Variants in CORO7 observed in about 807,000 individuals in gnomAD.
CORO7 encodes the protein coronin-7.
CORO7 carries 107 observed loss-of-function variants against 126.6 expected under a neutral mutation model. The ratio of observed to expected loss-of-function variants is 0.85; its 90% confidence interval spans 0.72 to 0.99. The LOEUF (loss-of-function observed/expected upper bound fraction) is 0.99. Among genes scored for constraint, CORO7 ranks in the 50% least tolerant of loss-of-function variants. CORO7 has a pLI of 0.00. For missense variants in CORO7, 1,314 were observed against 1,255.8 expected, an observed-to-expected ratio of 1.05 and a Z score of -0.70; for synonymous variants, 603 against 536.8, an observed-to-expected ratio of 1.12 and a Z score of -1.70.
At chr16:4,364,169 G>A in intron 14 of CORO7, 107 bp downstream of exon 14, 1 of 1,363,128 alleles carries the variant, frequency 7.3e-7, no homozygotes, top group Non-Finnish European at 9.5e-7. Flanking sequence ...TTGGGTGACA[G>A]AGTGAGACAC....
At chr16:4,410,617 CAT>C (rs552040555) in intron 3 of CORO7, among the ~76,000 whole-genome samples, 3 of 152,246 alleles carry the variant, frequency 2.0e-5, no homozygotes, top group Admixed American at 6.5e-5. Flanking sequence ...CTGCCACACA[CAT>C]GTATCTCTAA....
intron 9 of CORO7, among the ~76,000 whole-genome samples, chr16:4,375,250 G>A (rs938533260): frequency 3.3e-5 from 5 of 152,108 alleles, no homozygotes; most frequent in South Asian, 2.1e-4. Flanking sequence ...ACCTGGGGCC[G>A]GGCCAGCCTC....
chr16:4,387,876 A>C, intron 9 of CORO7, 110 bp downstream of exon 9: 1 of 1,399,816 alleles, frequency 7.1e-7, no homozygotes, highest in Non-Finnish European at 9.9e-7. Flanking sequence ...CAGGTACCCC[A>C]GAACACCCCG....
intron 6 of CORO7, among the ~76,000 whole-genome samples, chr16:4,403,282 C>G (rs979119921): frequency 2.6e-5 from 4 of 152,178 alleles, no homozygotes; most frequent in African/African-American, 9.7e-5. Context: ...ACTCCCGGCT[C>G]CATACTGCCA....
rs1249701732 is a variant in CORO7, at chr16:4,360,478, A to T, written c.1988T>A (p.Val663Asp). The change falls in exon 20 of 28, where the codon GTC (valine) becomes GAC (aspartate). Residue 663 changes from valine (V) to aspartate (D), a missense_variant. By Grantham distance (152) the Val-to-Asp change is radical. Transcript: ENST00000251166. ...CTCAGGGCCACTCCGGGGCCTGTAG[A>T]CCCGCACACGCCCATCCTTGCAGAC... Reference protein sequence around the residue: ...ATVCKDGRVRVYRPRSGPEPL... With the variant: ...ATVCKDGRVRDYRPRSGPEPL... 6.2e-7 allele frequency: 1 copy of T among 1,612,334 alleles called. No individual in the cohort carries two copies. Among genetic ancestry groups the T allele is most frequent in the South Asian group, 1.1e-5 (1 of 90,998 alleles).
chr16:4,372,474 C>G (rs1158198712), intron 9 of CORO7, among the ~76,000 whole-genome samples: 1 of 152,208 alleles, frequency 6.6e-6, no homozygotes, highest in Non-Finnish European at 1.5e-5. Flanking sequence ...AGATATGCAG[C>G]CCTAGGGAGG....
intron 6 of CORO7, among the ~76,000 whole-genome samples, chr16:4,403,601 C>T (rs1000478988): frequency 1.3e-5 from 2 of 152,156 alleles, no homozygotes; most frequent in Non-Finnish European, 2.9e-5. Flanking sequence ...GCAGGAGCTC[C>T]TCCGTCTGTG....
At chr16:4,358,225 T>G in intron 24 of CORO7, 122 bp from the exon 25 acceptor site, 1 of 1,532,422 alleles carries the variant, frequency 6.5e-7, no homozygotes, top group Non-Finnish European at 8.8e-7. Context: ...CTTCCATGAG[T>G]TTCAGCATCT....
At chr16:4,376,864 G>A (rs925905022) in intron 9 of CORO7, among the ~76,000 whole-genome samples, 1 of 152,194 alleles carries the variant, frequency 6.6e-6, no homozygotes, top group African/African-American at 2.4e-5. Flanking sequence ...GTGTGGGGAT[G>A]TCTGATCTGT....
Position 4,358,042 on chromosome 16 carries a change from C to T in CORO7, c.2519G>A (p.Ser840Asn), listed in dbSNP as rs553598882. 3.0e-5 allele frequency: 49 copies of T among 1,613,464 alleles called. No homozygotes were observed. The highest frequency in any genetic ancestry group is 4.1e-5 in the Non-Finnish European group (48 of 1,179,748). Residue 840 changes from serine to asparagine, a missense_variant, in exon 25 of 28, where the codon AGT (serine) becomes AAT (asparagine). Coordinates refer to ENST00000251166, the MANE Select transcript of CORO7 (RefSeq NM_024535.5). ...AGCGCCTTGCAGCCAGGCCTCGGCACTGAGCACAGGCTCCCAGATCACAGC... is the reference window on the plus strand; with the variant it reads ...AGCGCCTTGCAGCCAGGCCTCGGCATTGAGCACAGGCTCCCAGATCACAGC... Reference protein sequence around the residue: ...DTAVIWEPVLSAEAWLQGANG... With the variant: ...DTAVIWEPVLNAEAWLQGANG...
chr16:4,381,784 G>T, intron 9 of CORO7: 1 of 1,600,832 alleles, frequency 6.2e-7, no homozygotes, highest in Non-Finnish European at 8.5e-7. Context: ...CTTCAACTGC[G>T]TGTGCCCCCT....
At position 4,405,549 on chromosome 16, in the gene CORO7, T is replaced by G. The variant is rs752007351; in HGVS notation, c.506A>C (p.Asp169Ala). Residue 169 changes from aspartate to alanine, a missense_variant, in exon 6 of 28, where the codon GAC becomes GCC. By Grantham distance (126) the Asp-to-Ala change is moderately radical (BLOSUM62 -2). Coordinates refer to ENST00000251166, the MANE Select transcript of CORO7 (RefSeq NM_024535.5). The stretch of plus-strand genomic sequence containing the variant: ...GCTCCAGACGGCGCTCTGCACCAGG[T>G]CCCCATGGGCTGCCAGCTCTGCAGA... ...QPLTELAAHGDLVQSAVWSRD... is the reference protein window; with the variant it reads ...QPLTELAAHGALVQSAVWSRD... 5.6e-6 allele frequency: 9 copies of G among 1,612,274 alleles called. No homozygotes were observed. The highest frequency in any genetic ancestry group is 7.6e-6 in the Non-Finnish European group (9 of 1,179,714).
At chr16:4,398,678 A>G (rs2055690274) in intron 6 of CORO7, among the ~76,000 whole-genome samples, 2 of 149,234 alleles carry the variant, frequency 1.3e-5, no homozygotes, top group African/African-American at 2.5e-5. Flanking sequence ...AAAAAAAAAA[A>G]AAATTGCAAG....
intron 7 of CORO7, among the ~76,000 whole-genome samples, chr16:4,394,999 G>T (rs1013906832): frequency 2.0e-5 from 3 of 152,196 alleles, no homozygotes; most frequent in African/African-American, 7.2e-5. Context: ...TCAAAGGAAG[G>T]AAGTGGGAAT....
chr16:4,411,303 G>C (rs1042787841), intron 3 of CORO7, among the ~76,000 whole-genome samples: 2 of 152,282 alleles, frequency 1.3e-5, no homozygotes, highest in African/African-American at 4.8e-5. Flanking sequence ...TGAGGTGGAA[G>C]AATTGCTTGA....
chr16:4,367,630 T>G (rs2054387812), intron 9 of CORO7, among the ~76,000 whole-genome samples: 2 of 152,136 alleles, frequency 1.3e-5, no homozygotes, highest in South Asian at 4.1e-4. Flanking sequence ...GGGTGATCCC[T>G]GCGATCCCAA....
chr16:4,363,680 C>T (rs183598154), intron 14 of CORO7, among the ~76,000 whole-genome samples: 1 of 151,818 alleles, frequency 6.6e-6, no homozygotes, highest in East Asian at 1.9e-4. Flanking sequence ...CCATTGCACT[C>T]CAGCCTAGAC....
intron 12 of CORO7, 32 bp downstream of exon 12, chr16:4,364,742 GC>G: frequency 1.3e-6 from 2 of 1,599,602 alleles, no homozygotes; most frequent in Non-Finnish European, 1.7e-6. Flanking sequence ...CGACTCCCCA[GC>G]CCCCGCAGTC....
Position 4,382,292 on chromosome 16 carries a change from G to A in CORO7, c.785+5694C>T. 3.1e-6 allele frequency: 5 copies of A among 1,610,108 alleles called. No individual in the cohort carries two copies. The highest frequency in any genetic ancestry group is 4.2e-6 in the Non-Finnish European group (5 of 1,178,964). On this transcript the variant is annotated intron_variant, in intron 9 of 27. Coordinates refer to ENST00000251166, the MANE Select transcript of CORO7 (RefSeq NM_024535.5). ...CTGACCCTGGGCATCGAGCCGGTGA[G>A]CCCCACCTCCCTGCGCGTGGGGCTG...
Sources: allele counts gnomAD v4.1 joint callset (sites outside exome capture counted in the v4.1 genomes callset), GRCh38; gene constraint gnomAD v4.1.1; transcripts MANE v1.5; gene names NCBI Gene and HGNC (gene_info 2026-07-23, HGNC 2026-07-21).